CACNA2D1: variants seen among roughly 807,000 people sequenced by gnomAD.
The protein encoded by CACNA2D1 is voltage-dependent calcium channel subunit alpha-2/delta-1.
CACNA2D1 carries 53 observed loss-of-function variants against 171.5 expected under a neutral mutation model. The observed-to-expected ratio is 0.31, with a 90% CI of 0.25 to 0.39. CACNA2D1 has a LOEUF of 0.39. Ranked by LOEUF, CACNA2D1 falls within the 10% of genes least tolerant of loss-of-function variation. CACNA2D1 has a pLI of 1.00. For missense variants in CACNA2D1, 903 were observed against 1,299.8 expected, an observed-to-expected ratio of 0.69 and a Z score of 4.69; for synonymous variants, 442 against 443.1, an observed-to-expected ratio of 1.00 and a Z score of 0.03.
chr7:82,419,005 G>C (rs1828450304), intron 1 of CACNA2D1, among the ~76,000 whole-genome samples: 2 of 151,958 alleles, frequency 1.3e-5, no homozygotes, highest in Admixed American at 6.6e-5. Flanking sequence ...AGCTACTTGG[G>C]AGGCTGAGGC....
rs537916818 is a variant in CACNA2D1 at position 82,192,840 on chromosome 7, C to T, written c.295-22231G>A. On this transcript the variant is annotated intron_variant, in intron 3 of 38. Coordinates refer to ENST00000356860, the MANE Select transcript of CACNA2D1 (RefSeq NM_000722.4). The stretch of plus-strand genomic sequence containing the variant: ...ACACAAACACTATACATTTGATCTC[C>T]GTACTTTGAGATTGCTCCAGAATAT... Among the ~76,000 whole-genome samples, 21 of 151,058 alleles carry T rather than the reference C, an allele frequency of 1.4e-4. No individual in the cohort carries two copies. The South Asian group carries it at 4.2e-3, about 30-fold the overall frequency.
At chr7:82,245,687 C>CTCACACACACAA (rs11271427) in intron 3 of CACNA2D1, among the ~76,000 whole-genome samples, 2 of 151,740 alleles carry the variant, frequency 1.3e-5, no homozygotes, top group African/African-American at 4.8e-5. Context: ...CACACACACA[C>CTCACACACACAA]AGAATTTAGA....
At position 82,360,824 on chromosome 7, in the gene CACNA2D1, C is replaced by T. The variant is rs371266134; in HGVS notation, c.96-11175G>A. Among the ~76,000 whole-genome samples, 4 of 152,248 alleles carry T rather than the reference C, an allele frequency of 2.6e-5. No homozygotes were observed. The South Asian group carries it at 8.3e-4, about 32-fold the overall frequency. On this transcript the variant is annotated intron_variant, in intron 1 of 38. Transcript: ENST00000356860. ...TAAATATAGCCCATAGTGTAATTTG[C>T]TGACAGCTCTTCTAAGACAGGGTTT... is the stretch of plus-strand genomic sequence containing the variant.
In CACNA2D1 at chr7:82,005,319, G is replaced by T. The variant is rs774907668; in HGVS notation, c.1590+104C>A. The T allele has an allele frequency of 6.6e-6, 5 of 752,694 alleles. No homozygotes were observed. The Admixed American group carries it at 1.0e-4, about 16-fold the overall frequency. The allele number at this position is 752,694 out of a possible 1,614,324, so 46.6% of individuals were successfully genotyped here. A position where few individuals can be genotyped will look rare whatever the true frequency, so the allele number is the denominator to read the frequency against. On this transcript the variant is annotated intron_variant, in intron 18 of 38. Coordinates refer to ENST00000356860, the MANE Select transcript of CACNA2D1 (RefSeq NM_000722.4). ...AGAGACGCATTAGAGACTGTACTTT[G>T]ATATTTAGTGTTATACGGTAAATTT...
intron 3 of CACNA2D1, among the ~76,000 whole-genome samples, chr7:82,235,246 ACTC>A (rs1803432603): frequency 1.3e-5 from 2 of 152,086 alleles, no homozygotes; most frequent in East Asian, 1.9e-4. Context: ...GGCAAAATAA[ACTC>A]CTCTCTGCAG....
intron 3 of CACNA2D1, among the ~76,000 whole-genome samples, chr7:82,271,180 C>T (rs367646593): frequency 5.3e-5 from 8 of 152,088 alleles, no homozygotes; most frequent in African/African-American, 1.7e-4. Flanking sequence ...ATTTGCTGTT[C>T]GACAGCTACA....
intron 32 of CACNA2D1, 52 bp from the exon 33 acceptor site, chr7:81,964,411 A>C: frequency 7.0e-7 from 1 of 1,429,716 alleles, no homozygotes; most frequent in Non-Finnish European, 9.8e-7. Flanking sequence ...GTAAGCCAAA[A>C]ATGAACACGG....
chr7:82,310,396 A>G (rs1477830769), intron 3 of CACNA2D1, among the ~76,000 whole-genome samples: 1 of 152,040 alleles, frequency 6.6e-6, no homozygotes, highest in Non-Finnish European at 1.5e-5. Flanking sequence ...TTGCTTTAAA[A>G]TTAAGGGAAA....
At chr7:82,303,422 G>GA (rs981238840) in intron 3 of CACNA2D1, among the ~76,000 whole-genome samples, 17 of 113,240 alleles carry the variant, frequency 1.5e-4, no homozygotes, top group African/African-American at 3.0e-4. Context: ...CACAGAAATA[G>GA]AAAAAAAAAT....
intron 3 of CACNA2D1, among the ~76,000 whole-genome samples, chr7:82,295,461 C>T (rs1218741236): frequency 4.0e-5 from 6 of 151,888 alleles, no homozygotes; most frequent in Admixed American, 3.9e-4. Flanking sequence ...CTCAGCCTCC[C>T]CAGTGGCTGA....
chr7:82,098,337 T>A (rs1584739361), intron 6 of CACNA2D1, among the ~76,000 whole-genome samples: 1 of 152,296 alleles, frequency 6.6e-6, no homozygotes, highest in East Asian at 1.9e-4. Context: ...TGATTATAAA[T>A]TCCATGTATC....
intron 3 of CACNA2D1, among the ~76,000 whole-genome samples, chr7:82,288,791 C>A (rs762103246): frequency 6.6e-6 from 1 of 152,166 alleles, no homozygotes. Context: ...GGCATGAATT[C>A]TCTGTGTGTT....
At chr7:82,373,608 C>T (rs1233480559) in intron 1 of CACNA2D1, among the ~76,000 whole-genome samples, 1 of 152,120 alleles carries the variant, frequency 6.6e-6, no homozygotes, top group African/African-American at 2.4e-5. Flanking sequence ...TTGACCTCCA[C>T]CCACCCATTG....
At chr7:82,379,624 G>C (rs1315804359) in intron 1 of CACNA2D1, among the ~76,000 whole-genome samples, 2 of 152,124 alleles carry the variant, frequency 1.3e-5, no homozygotes, top group Non-Finnish European at 2.9e-5. Context: ...TCAGACAATT[G>C]TCTAAAATTT....
At chr7:82,299,943 A>G (rs1236799301) in intron 3 of CACNA2D1, among the ~76,000 whole-genome samples, 3 of 152,216 alleles carry the variant, frequency 2.0e-5, no homozygotes, top group Non-Finnish European at 4.4e-5. Flanking sequence ...CCCAACAGGT[A>G]TGAAGATAAA....
chr7:82,268,943 G>A (rs775537784), intron 3 of CACNA2D1, among the ~76,000 whole-genome samples: 1 of 152,156 alleles, frequency 6.6e-6, no homozygotes, highest in Non-Finnish European at 1.5e-5. Context: ...CAGAACAGGA[G>A]CAGATGATGA....
At chr7:81,970,779 A>T in intron 26 of CACNA2D1, 42 bp from the exon 27 acceptor site, 1 of 1,232,524 alleles carries the variant, frequency 8.1e-7, no homozygotes, top group Non-Finnish European at 1.2e-6. Context: ...TATTGAACAT[A>T]TTCTAAAAAA....
intron 6 of CACNA2D1, among the ~76,000 whole-genome samples, chr7:82,109,032 G>A (rs1788078144): frequency 6.6e-6 from 1 of 151,940 alleles, no homozygotes; most frequent in Non-Finnish European, 1.5e-5. Context: ...TCAGATTTCT[G>A]GTTGCATGAG....
At chr7:82,187,335 A>G (rs1797877143) in intron 3 of CACNA2D1, among the ~76,000 whole-genome samples, 1 of 152,182 alleles carries the variant, frequency 6.6e-6, no homozygotes, top group African/African-American at 2.4e-5. Context: ...AATCCTTTCA[A>G]GCAACACAGA....
Sources: allele counts gnomAD v4.1 joint callset (sites outside exome capture counted in the v4.1 genomes callset), GRCh38; gene constraint gnomAD v4.1.1; transcripts MANE v1.5; gene names NCBI Gene and HGNC (gene_info 2026-07-23, HGNC 2026-07-21).